GALNT14: variants seen among roughly 807,000 people sequenced by gnomAD.
GALNT14 encodes the protein UDP-GalNAc:polypeptide N-acetylgalactosaminyltransferase 14.
In GALNT14, 60 loss-of-function variants were observed where a neutral mutation model predicts 77.5. The observed-to-expected ratio is 0.77, with a 90% confidence interval of 0.63 to 0.96. The LOEUF is 0.96. Ranked by LOEUF, GALNT14 falls within the 40% of genes least tolerant of loss-of-function variation. GALNT14 has a pLI of 0.00. For missense variants in GALNT14, 710 were observed against 731.0 expected (o/e 0.97, Z 0.33); for synonymous variants, 280 against 281.7 (o/e 0.99, Z 0.06).
Position 30,992,822 on chromosome 2 carries a change from GAGA to G in GALNT14, c.299+13_299+15del, listed in dbSNP as rs1669788747. ...TTTGACTGCGGGGGTAACAGAGTGG[GAGA>G]AGGAGGAAGTACCTCAGATGGCGAG... On this transcript the variant is annotated intron_variant, in intron 2 of 14. Transcript: ENST00000349752. 6.2e-7 allele frequency: 1 copy of G among 1,611,236 alleles called. No individual in the cohort carries two copies. Among genetic ancestry groups the G allele is most frequent in the South Asian group, 1.1e-5 (1 of 90,940 alleles).
intron 1 of GALNT14, among the ~76,000 whole-genome samples, chr2:30,995,973 T>C (rs1278022182): frequency 6.6e-6 from 1 of 152,200 alleles, no homozygotes; most frequent in Non-Finnish European, 1.5e-5. Flanking sequence ...GGAAAAGCCA[T>C]GTCGCAGCTC....
At chr2:31,022,411 C>T (rs1326858912) in intron 1 of GALNT14, among the ~76,000 whole-genome samples, 2 of 152,122 alleles carry the variant, frequency 1.3e-5, no homozygotes, top group South Asian at 2.1e-4. Context: ...GTATTATGGA[C>T]CTTGACCCAT....
At chr2:30,994,614 G>A (rs900355021) in intron 1 of GALNT14, among the ~76,000 whole-genome samples, 2 of 152,154 alleles carry the variant, frequency 1.3e-5, no homozygotes, top group African/African-American at 4.8e-5. Context: ...ATCGGTGGGG[G>A]TGAGAAACCC....
the GALNT14 span, among the ~76,000 whole-genome samples, chr2:30,892,551 G>A: frequency 1.3e-5 from 2 of 152,180 alleles, no homozygotes; most frequent in South Asian, 4.1e-4. Flanking sequence ...AGCACTGACT[G>A]CCCTTTGTCT....
At chr2:31,068,929 A>G (rs983983046) in intron 1 of GALNT14, among the ~76,000 whole-genome samples, 1 of 152,224 alleles carries the variant, frequency 6.6e-6, no homozygotes. Flanking sequence ...TTCTATTTAT[A>G]TGAAATGTCC....
intron 1 of GALNT14, among the ~76,000 whole-genome samples, chr2:31,080,611 G>A (rs1466569678): frequency 6.6e-6 from 1 of 152,136 alleles, no homozygotes; most frequent in Non-Finnish European, 1.5e-5. Flanking sequence ...TCTAAATTCA[G>A]GATGACTTAT....
At chr2:31,049,618 G>T (rs1382667715) in intron 1 of GALNT14, among the ~76,000 whole-genome samples, 3 of 152,220 alleles carry the variant, frequency 2.0e-5, no homozygotes, top group African/African-American at 4.8e-5. Context: ...ATGTCAGACT[G>T]GGAGATAGAA....
At chr2:31,033,238 G>A (rs987983504) in intron 1 of GALNT14, among the ~76,000 whole-genome samples, 19 of 152,212 alleles carry the variant, frequency 1.2e-4, no homozygotes, top group Non-Finnish European at 1.0e-4. Flanking sequence ...TATCTGTCAC[G>A]TGTGGTATAG....
intron 1 of GALNT14, among the ~76,000 whole-genome samples, chr2:31,100,729 C>T (rs1182318007): frequency 6.6e-6 from 1 of 151,636 alleles, no homozygotes; most frequent in Non-Finnish European, 1.5e-5. Flanking sequence ...CTGAACTATA[C>T]AGATGCTCCT....
intron 14 of GALNT14, 141 bp downstream of exon 14, chr2:30,912,082 C>A (rs1664395588): frequency 2.0e-6 from 2 of 1,013,750 alleles, no homozygotes; most frequent in South Asian, 1.5e-5. Flanking sequence ...CCAGGCAGCA[C>A]TTTCCCTCCC....
At chr2:31,038,084 ATTTTTTTTTTTTTTTT>A in intron 1 of GALNT14, among the ~76,000 whole-genome samples, 1 of 52,650 alleles carries the variant, frequency 1.9e-5, no homozygotes, top group African/African-American at 9.2e-5. Context: ...ATATATATAT[ATTTTTTTTTTTTTTTT>A]TTTTTTTTTT....
At chr2:30,995,840 A>G (rs888829703) in intron 1 of GALNT14, among the ~76,000 whole-genome samples, 1 of 152,124 alleles carries the variant, frequency 6.6e-6, no homozygotes, top group Non-Finnish European at 1.5e-5. Context: ...GTTTAAGTTG[A>G]CACAGAAAAA....
chr2:30,925,029 C>A lies in GALNT14; in HGVS notation c.1152-206G>T, dbSNP rs1324788479. 3.3e-5 allele frequency among the ~76,000 whole-genome samples: 5 copies of A among 152,246 alleles called. No individual in the cohort carries two copies. The South Asian group carries it at 1.0e-3, about 31-fold the overall frequency. On this transcript the variant is annotated intron_variant, in intron 11 of 14. Coordinates refer to ENST00000349752, the MANE Select transcript of GALNT14 (RefSeq NM_024572.4). ...GAGCTATGGAAACACTTAGCAATATCTCACAATGGTGCGGTAATGACAGCG... is the reference window on the plus strand; with the variant it reads ...GAGCTATGGAAACACTTAGCAATATATCACAATGGTGCGGTAATGACAGCG...
intron 1 of GALNT14, among the ~76,000 whole-genome samples, chr2:31,035,679 T>TA (rs1185673547): frequency 1.4e-5 from 2 of 142,718 alleles, no homozygotes; most frequent in Non-Finnish European, 3.1e-5. Context: ...TATGCAACCA[T>TA]AAAAAAGAAT....
At chr2:31,137,830 C>T in intron 1 of GALNT14, 128 bp downstream of exon 1, 2 of 1,189,876 alleles carry the variant, frequency 1.7e-6, no homozygotes, top group Non-Finnish European at 1.2e-6. Flanking sequence ...CCACATCCGG[C>T]GGCTGTTACC....
At chr2:31,078,157 G>GAAAAT (rs1675921376) in intron 1 of GALNT14, among the ~76,000 whole-genome samples, 1 of 152,228 alleles carries the variant, frequency 6.6e-6, no homozygotes, top group African/African-American at 2.4e-5. Flanking sequence ...GAGCAGGCTG[G>GAAAAT]AAAATAGCCC....
intron 1 of GALNT14, among the ~76,000 whole-genome samples, chr2:30,996,799 C>A (rs1670064218): frequency 6.6e-6 from 1 of 152,152 alleles, no homozygotes; most frequent in South Asian, 2.1e-4. Flanking sequence ...CTCGGAGGGG[C>A]CTGTTCCCCT....
intron 2 of GALNT14, among the ~76,000 whole-genome samples, chr2:30,989,583 A>AAAT (rs1669542686): frequency 0.036 from 3,345 of 91,890 alleles, 315 homozygotes; most frequent in African/African-American, 0.14. Flanking sequence ...TATATATATA[A>AAAT]AAATATATAT....
chr2:31,056,631 A>C (rs1403898082), intron 1 of GALNT14, among the ~76,000 whole-genome samples: 1 of 152,228 alleles, frequency 6.6e-6, no homozygotes, highest in African/African-American at 2.4e-5. Flanking sequence ...ATCCCTTCTC[A>C]GAATAGCACT....
Sources: allele counts gnomAD v4.1 joint callset (sites outside exome capture counted in the v4.1 genomes callset), GRCh38; gene constraint gnomAD v4.1.1; transcripts MANE v1.5; gene names NCBI Gene and HGNC (gene_info 2026-07-23, HGNC 2026-07-21).